Variants in ASIC2 observed in about 807,000 individuals in gnomAD.
ASIC2 encodes acid sensing ion channel subunit 2.
ASIC2 carries 25 observed loss-of-function variants against 57.3 expected under a neutral mutation model. The observed-to-expected ratio is 0.44, with a 90% confidence interval of 0.32 to 0.61. ASIC2 has a LOEUF of 0.61. Ranked by LOEUF, ASIC2 falls within the 20% of genes least tolerant of loss-of-function variation. The pLI is 0.06. For synonymous variants in ASIC2, 319 were observed against 307.5 expected, an observed-to-expected ratio of 1.04 and a Z score of -0.39; for missense variants, 641 against 738.1, an observed-to-expected ratio of 0.87 and a Z score of 1.52.
intron 1 of ASIC2, among the ~76,000 whole-genome samples, chr17:33,729,580 C>A (rs1383562280): frequency 1.3e-5 from 2 of 152,172 alleles, no homozygotes; most frequent in African/African-American, 4.8e-5. Context: ...CCCACAGAGT[C>A]CAGAGCCAGA....
At chr17:34,127,227 A>C (rs7207803) in intron 1 of ASIC2, among the ~76,000 whole-genome samples, 45,834 of 152,146 alleles carry the variant, frequency 0.3, 10,886 homozygotes, top group African/African-American at 0.67. Context: ...GGGGCTTTTC[A>C]AACTAGAAAT....
intron 3 of ASIC2, among the ~76,000 whole-genome samples, chr17:33,079,622 G>C (rs889050365): frequency 2.0e-5 from 3 of 152,136 alleles, no homozygotes; most frequent in Non-Finnish European, 2.9e-5. Context: ...GGGAGGGACA[G>C]AGTGAGCACT....
intron 1 of ASIC2, among the ~76,000 whole-genome samples, chr17:33,245,102 A>G (rs1908645460): frequency 6.6e-6 from 1 of 152,206 alleles, no homozygotes; most frequent in Non-Finnish European, 1.5e-5. Context: ...TAACTGTATG[A>G]CAACCATCAC....
intron 1 of ASIC2, among the ~76,000 whole-genome samples, chr17:33,981,454 C>G (rs1905620570): frequency 6.6e-6 from 1 of 152,174 alleles, no homozygotes; most frequent in Non-Finnish European, 1.5e-5. Context: ...GTGGGTGGTA[C>G]TGTTCTTACT....
At chr17:33,339,317 T>A (rs1005527703) in intron 1 of ASIC2, among the ~76,000 whole-genome samples, 1 of 152,142 alleles carries the variant, frequency 6.6e-6, no homozygotes, top group African/African-American at 2.4e-5. Context: ...AGCAAACTTT[T>A]CACGTAGATA....
intron 1 of ASIC2, among the ~76,000 whole-genome samples, chr17:33,640,138 G>C (rs1268185595): frequency 6.6e-6 from 1 of 151,986 alleles, no homozygotes; most frequent in African/African-American, 2.4e-5. Context: ...GAGGTTGGAG[G>C]GGTTTTTATC....
At chr17:33,987,042 AT>A (rs2142007517) in intron 1 of ASIC2, among the ~76,000 whole-genome samples, 1 of 152,284 alleles carries the variant, frequency 6.6e-6, no homozygotes, top group South Asian at 2.1e-4. Flanking sequence ...TAATCTAAGC[AT>A]TTTACATGCA....
chr17:33,101,254 A>C (rs973947552), intron 2 of ASIC2, among the ~76,000 whole-genome samples: 4 of 152,192 alleles, frequency 2.6e-5, no homozygotes, highest in African/African-American at 9.7e-5. Context: ...CCCATTTGTA[A>C]AGGGGGATAA....
chr17:33,258,950 G>A (rs77297923), intron 1 of ASIC2, among the ~76,000 whole-genome samples: 2,543 of 152,252 alleles, frequency 0.017, 35 homozygotes, highest in Non-Finnish European at 0.024. Context: ...TGTCTGCTGG[G>A]AAATTAGACA....
Position 33,291,426 on chromosome 17 carries a change from C to A in ASIC2, c.690G>T (p.Gly230=), listed in dbSNP as rs141720961. 1.4e-5 allele frequency: 23 copies of A among 1,602,206 alleles called. No individual in the cohort carries two copies. The highest frequency in any genetic ancestry group is 1.9e-5 in the Non-Finnish European group (22 of 1,174,074). ...AACTCACGGAGGAGAAGTTGTGCGG[C>A]CCGCAGAGCTCGCCGCGGTACTTGC... ...LSCKYRGELC[G]PHNFSSVFTK... is the part of the protein sequence containing the mutation. Residue 230 remains glycine, a synonymous_variant, in exon 1 of 10, where the codon GGG becomes GGT. Transcript: ENST00000225823.
At chr17:33,247,131 T>C (rs927246228) in intron 1 of ASIC2, among the ~76,000 whole-genome samples, 2 of 152,212 alleles carry the variant, frequency 1.3e-5, no homozygotes, top group Non-Finnish European at 2.9e-5. Context: ...TCATTACATT[T>C]GAAAATAATG....
intron 1 of ASIC2, among the ~76,000 whole-genome samples, chr17:33,317,759 A>G (rs973403891): frequency 1.3e-5 from 2 of 152,174 alleles, no homozygotes; most frequent in African/African-American, 4.8e-5. Flanking sequence ...GTCAGAGAAG[A>G]TACCACAGGC....
intron 1 of ASIC2, chr17:34,005,264 C>T (rs1373793339): frequency 6.6e-6 from 1 of 152,226 alleles, no homozygotes; most frequent in East Asian, 1.9e-4. Flanking sequence ...GCTCCAACCC[C>T]TTTCTCATCC....
At chr17:33,078,230 C>T (rs565298771) in intron 3 of ASIC2, among the ~76,000 whole-genome samples, 16 of 152,100 alleles carry the variant, frequency 1.1e-4, no homozygotes, top group African/African-American at 3.4e-4. Flanking sequence ...GATGTCAGAT[C>T]CAGTGCTGAG....
At chr17:33,105,604 T>A (rs1486704481) in intron 2 of ASIC2, among the ~76,000 whole-genome samples, 1 of 152,152 alleles carries the variant, frequency 6.6e-6, no homozygotes, top group African/African-American at 2.4e-5. Flanking sequence ...AGGCAGCAGT[T>A]GGACAAGTTT....
rs35730856 is a variant in ASIC2 at position 33,199,832 on chromosome 17, A to G, written c.709-87765T>C. Among the ~76,000 whole-genome samples, 3 of 152,130 alleles carry G rather than the reference A, an allele frequency of 2.0e-5. No homozygotes were observed. The East Asian group carries it at 5.8e-4, about 29-fold the overall frequency. On this transcript the variant is annotated intron_variant, in intron 1 of 9. Coordinates refer to ENST00000225823, the MANE Select transcript of ASIC2 (RefSeq NM_183377.2). The stretch of plus-strand genomic sequence containing the variant: ...AATCTTCTGATTGTTAATATAGCGA[A>G]CTTGATCATGACATTCACATGAGAA...
intron 1 of ASIC2, among the ~76,000 whole-genome samples, chr17:33,719,360 C>T (rs1909316582): frequency 6.6e-6 from 1 of 152,142 alleles, no homozygotes; most frequent in Non-Finnish European, 1.5e-5. Flanking sequence ...TTCAGCGCTG[C>T]CCTGCAGGTG....
intron 5 of ASIC2, among the ~76,000 whole-genome samples, chr17:33,025,537 G>A (rs2091855277): frequency 6.6e-6 from 1 of 152,050 alleles, no homozygotes; most frequent in African/African-American, 2.4e-5. Context: ...AGTGTGTGAG[G>A]GGAGGTATTG....
At chr17:33,464,540 C>CTCTTTCTTTCTTTCTTTCTTTCTT (rs778336588) in intron 1 of ASIC2, among the ~76,000 whole-genome samples, 116 of 49,316 alleles carry the variant, frequency 2.4e-3, no homozygotes, top group South Asian at 4.4e-3. Context: ...TTCTTTCTTT[C>CTCTTTCTTTCTTTCTTTCTTTCTT]TCTTTCTTTC....
Sources: gnomAD v4.1 joint callset for allele counts (sites outside exome capture counted in the v4.1 genomes callset) on GRCh38, gnomAD v4.1.1 for gene constraint, MANE v1.5 for transcripts, NCBI Gene and HGNC (gene_info 2026-07-23, HGNC 2026-07-21) for gene names.